Variants in TMEM47 observed in about 807,000 individuals in gnomAD.
TMEM47 encodes brain cell membrane protein 1.
TMEM47 carries 3 observed loss-of-function variants against 12.4 expected under a neutral mutation model. That is an observed-to-expected ratio of 0.24 (90% confidence interval 0.11 to 0.63). The LOEUF (loss-of-function observed/expected upper bound fraction) is 0.63, where lower values mean the gene tolerates loss of function less well. Among genes scored for constraint, TMEM47 ranks in the 20% least tolerant of loss-of-function variants. TMEM47 has a pLI of 0.86. For missense variants in TMEM47, 89 were observed against 143.8 expected (o/e 0.62, Z 1.95); for synonymous variants, 62 against 63.3 (o/e 0.98, Z 0.10).
rs768195495 is a variant in TMEM47, at chrX:34,639,353, G to A, written c.261C>T (p.Gly87=). The A allele has an allele frequency of 9.1e-6, 11 of 1,206,214 alleles. No homozygotes were observed. The highest frequency in any genetic ancestry group is 8.8e-5 in the African/African-American group (5 of 56,897). The change falls in exon 2 of 3, where the codon GGC becomes GGT. Residue 87 remains glycine, a synonymous_variant. Transcript: ENST00000275954. The part of the protein sequence containing the change: ...WQIATLALLL[G]GAAIILIAFL... ...ATGCAATGAGAATGATGGCAGCGCCGCCCAGGAGTAAAGCCAGAGTAGCAA... is the reference window on the plus strand; with the variant it reads ...ATGCAATGAGAATGATGGCAGCGCCACCCAGGAGTAAAGCCAGAGTAGCAA...
chrX:34,637,444 T>G (rs1921737498), intron 2 of TMEM47, among the ~76,000 whole-genome samples: 1 of 111,441 alleles, frequency 9.0e-6, no homozygotes, highest in African/African-American at 3.3e-5. Flanking sequence ...ACTGTCTACT[T>G]GTATAGTGTA....
At position 34,628,091 on chromosome X, in the gene TMEM47, A is replaced by G. The variant is rs1921540842; in HGVS notation, c.*2222T>C. 8.9e-6 allele frequency: 1 copy of G among 111,859 alleles called. No individual in the cohort carries two copies. The highest frequency in any genetic ancestry group is 3.3e-5 in the African/African-American group (1 of 30,742). The allele number at this position is 111,859 out of a possible 1,213,427, so 9.2% of individuals were successfully genotyped here. On this transcript the variant is annotated 3_prime_UTR_variant, in exon 3 of 3. Coordinates refer to ENST00000275954, the MANE Select transcript of TMEM47 (RefSeq NM_031442.4). ...GAGAATGAAAACTTGATAAGACTCG[A>G]GATGTGATGATATTGGTTTAACAGT...
At chrX:34,639,905 T>C (rs1353376199) in intron 1 of TMEM47, among the ~76,000 whole-genome samples, 1 of 111,810 alleles carries the variant, frequency 8.9e-6, no homozygotes, top group Non-Finnish European at 1.9e-5. Context: ...GAGTTCTGCC[T>C]TCTGTTAAAC....
intron 1 of TMEM47, among the ~76,000 whole-genome samples, chrX:34,649,504 C>T (rs1367984147): frequency 9.0e-6 from 1 of 110,576 alleles, no homozygotes; most frequent in Non-Finnish European, 1.9e-5. Context: ...ATCATGAGAA[C>T]TCGTGAACAC....
chrX:34,633,094 T>C (rs1921654938), intron 2 of TMEM47, among the ~76,000 whole-genome samples: 1 of 109,265 alleles, frequency 9.2e-6, no homozygotes, highest in Admixed American at 9.9e-5. Context: ...AATGCATCCA[T>C]TCAATAAATA....
At position 34,628,746 on chromosome X, in the gene TMEM47, G is replaced by C. The variant is rs1411364763; in HGVS notation, c.*1567C>G. 1 of 111,534 alleles carries C rather than the reference G, an allele frequency of 9.0e-6. No homozygotes were observed. The highest frequency in any genetic ancestry group is 1.9e-5 in the Non-Finnish European group (1 of 52,979). The allele number at this position is 111,534 out of a possible 1,213,427, so 9.2% of individuals were successfully genotyped here. ...TCTTTCTGCAAGAGGGCCAAAACCAGAACATACTGTTTTAGTGTCTTTGTT... is the reference window on the plus strand; with the variant it reads ...TCTTTCTGCAAGAGGGCCAAAACCACAACATACTGTTTTAGTGTCTTTGTT... On this transcript the variant is annotated 3_prime_UTR_variant, in exon 3 of 3. Coordinates refer to ENST00000275954, the MANE Select transcript of TMEM47 (RefSeq NM_031442.4).
At chrX:34,656,074 G>A (rs1262050031) in intron 1 of TMEM47, among the ~76,000 whole-genome samples, 1 of 111,156 alleles carries the variant, frequency 9.0e-6, no homozygotes, top group East Asian at 2.8e-4. Flanking sequence ...AGCTTTCAGC[G>A]CTGGCGGAAT....
intron 2 of TMEM47, among the ~76,000 whole-genome samples, chrX:34,636,854 A>T (rs1417895384): frequency 1.8e-5 from 2 of 111,481 alleles, no homozygotes; most frequent in Non-Finnish European, 3.8e-5. Flanking sequence ...AACTGAATTC[A>T]AAATCAAGGC....
chrX:34,655,207 T>C (rs1193355852), intron 1 of TMEM47, among the ~76,000 whole-genome samples: 1 of 111,455 alleles, frequency 9.0e-6, no homozygotes, highest in East Asian at 2.8e-4. Context: ...CAATCAGGGG[T>C]CTATTATTTC....
chrX:34,634,876 G>A (rs957914018), intron 2 of TMEM47, among the ~76,000 whole-genome samples: 3 of 112,269 alleles, frequency 2.7e-5, no homozygotes, highest in African/African-American at 9.7e-5. Context: ...GCATGCACAA[G>A]GCTGTTTAGT....
chrX:34,637,892 T>G (rs1455842429), intron 2 of TMEM47, among the ~76,000 whole-genome samples: 1 of 110,810 alleles, frequency 9.0e-6, no homozygotes, highest in Non-Finnish European at 1.9e-5. Flanking sequence ...AGATAGAGTC[T>G]TACTCTGTTG....
In TMEM47 at chrX:34,628,423, TTCTG is replaced by T. The variant is rs1248722728; in HGVS notation, c.*1886_*1889del. The stretch of plus-strand genomic sequence containing the variant: ...TAGAATCATATATTTTTATAAAGGT[TTCTG>T]TCTGTGATGTATTTATTCGCTTTTG... On this transcript the variant is annotated 3_prime_UTR_variant, in exon 3 of 3. Coordinates refer to ENST00000275954, the MANE Select transcript of TMEM47 (RefSeq NM_031442.4). 1 of 112,094 alleles carries T rather than the reference TTCTG, an allele frequency of 8.9e-6. No individual in the cohort carries two copies. Among genetic ancestry groups the T allele is most frequent in the Non-Finnish European group, 1.9e-5 (1 of 53,093 alleles). The allele number at this position is 112,094 out of a possible 1,213,427, so 9.2% of individuals were successfully genotyped here. A position where few individuals can be genotyped will look rare whatever the true frequency, so the allele number is the denominator to read the frequency against.
chrX:34,634,275 G>A (rs1322183038), intron 2 of TMEM47, among the ~76,000 whole-genome samples: 2 of 111,797 alleles, frequency 1.8e-5, no homozygotes, highest in Non-Finnish European at 3.8e-5. Flanking sequence ...TTTGAAAACA[G>A]GCAATGAAAC....
rs1921706990 is a variant in TMEM47 at position 34,635,888 on chromosome X, C to T, written c.367+3359G>A. Among the ~76,000 whole-genome samples the T allele has an allele frequency of 2.7e-5, 3 of 111,235 alleles. No individual in the cohort carries two copies. In the South Asian group the frequency reaches 1.1e-3, roughly 42 times the overall value. ...GCAAAGGTTGATAGGCCCTACCAGCCAGGTTGGTCCCTAAATATAAAATTG... is the reference window on the plus strand; with the variant it reads ...GCAAAGGTTGATAGGCCCTACCAGCTAGGTTGGTCCCTAAATATAAAATTG... On this transcript the variant is annotated intron_variant, in intron 2 of 2. Transcript: ENST00000275954.
In TMEM47 at chrX:34,644,687, T is replaced by C. The variant is rs1921879022; in HGVS notation, c.227-5300A>G. ...TGCCTATTTCCTTTAGAAAATTAGATATAATTAAAAAGCAATGGAAAAACA... is the reference window on the plus strand; with the variant it reads ...TGCCTATTTCCTTTAGAAAATTAGACATAATTAAAAAGCAATGGAAAAACA... On this transcript the variant is annotated intron_variant, in intron 1 of 2. Coordinates refer to ENST00000275954, the MANE Select transcript of TMEM47 (RefSeq NM_031442.4). Among the ~76,000 whole-genome samples the C allele has an allele frequency of 1.8e-5, 2 of 111,894 alleles. 1 individual carries two copies. The highest frequency in any genetic ancestry group is 1.9e-4 in the Admixed American group (2 of 10,494).
chrX:34,656,740 C>A, intron 1 of TMEM47, 64 bp downstream of exon 1: 1 of 1,135,201 alleles, frequency 8.8e-7, no homozygotes, highest in Non-Finnish European at 1.2e-6. Flanking sequence ...GGTGACTGTC[C>A]TGGCAGTGGG....
At chrX:34,647,825 T>C (rs1249872118) in intron 1 of TMEM47, among the ~76,000 whole-genome samples, 1 of 112,149 alleles carries the variant, frequency 8.9e-6, no homozygotes, top group African/African-American at 3.2e-5. Flanking sequence ...TAATATTCAT[T>C]TAATCAATTT....
chrX:34,634,934 C>G (rs1045705963), intron 2 of TMEM47, among the ~76,000 whole-genome samples: 2 of 111,936 alleles, frequency 1.8e-5, no homozygotes, highest in African/African-American at 6.5e-5. Context: ...ACTTTTGTTT[C>G]TCTAGGGAGA....
At position 34,639,329 on chromosome X, in the gene TMEM47, T is replaced by A. The variant is rs753636355; in HGVS notation, c.285A>T (p.Ala95=). The change falls in exon 2 of 3, where the codon GCA becomes GCT. Residue 95 remains alanine (A), a synonymous_variant. Transcript: ENST00000275954. The stretch of plus-strand genomic sequence containing the variant: ...AGATAGAAATCAAACCCACCAGGAA[T>A]GCAATGAGAATGATGGCAGCGCCGC... ...LLGGAAIILI[A]FLVGLISICV... is the part of the protein sequence containing the mutation. 5 of 1,205,834 alleles carry A rather than the reference T, an allele frequency of 4.1e-6. No individual in the cohort carries two copies. Among genetic ancestry groups the A allele is most frequent in the Admixed American group, 4.4e-5 (2 of 45,266 alleles).
Sources: gnomAD v4.1 joint callset for allele counts (sites outside exome capture counted in the v4.1 genomes callset) on GRCh38, gnomAD v4.1.1 for gene constraint, MANE v1.5 for transcripts, NCBI Gene and HGNC (gene_info 2026-07-23, HGNC 2026-07-21) for gene names.